The following A2M variants were observed in gnomAD, a reference collection of about 807,000 sequenced individuals.
A2M encodes the protein alpha-2-macroglobulin.
A neutral mutation model predicts 183.9 loss-of-function variants in A2M; 128 were observed. The ratio of observed to expected loss-of-function variants is 0.70; its 90% CI spans 0.60 to 0.81. The LOEUF is 0.81. Ranked by LOEUF, A2M falls within the 30% of genes least tolerant of loss-of-function variation. The pLI, the probability that A2M is intolerant of heterozygous loss-of-function variation, is 0.00. For synonymous variants in A2M, 592 were observed against 670.8 expected (o/e 0.88, Z 1.81); for missense variants, 1,495 against 1,787.6 (o/e 0.84, Z 2.95).
chr12:9,080,407 G>A (rs1310482522), intron 22 of A2M: 4 of 314,290 alleles, frequency 1.3e-5, no homozygotes, highest in East Asian at 5.4e-5. Flanking sequence ...ATGTAGAATC[G>A]CATGCCAAAT....
At position 9,104,397 on chromosome 12, in the gene A2M, G is replaced by A. The variant is rs371980049; in HGVS notation, c.1108C>T (p.Arg370Cys). 36 of 1,582,090 alleles carry A rather than the reference G, an allele frequency of 2.3e-5. 1 individual carries two copies. In the South Asian group the frequency reaches 2.8e-4, roughly 12 times the overall value. ...RQGIPFFGQV[R>C]LVDGKGVPIP... Reference sequence around the variant, plus strand: ...GGGACGCCTTTCCCATCTACTAGGCGCACCTGAAGATTAAAAGCTGTGGAT... The same window carrying A: ...GGGACGCCTTTCCCATCTACTAGGCACACCTGAAGATTAAAAGCTGTGGAT... The change falls in exon 11 of 36, where the codon CGC becomes TGC. Residue 370 changes from arginine to cysteine, a missense_variant. Physicochemically the swap from Arg to Cys is radical, Grantham distance 180. Coordinates refer to ENST00000318602, the MANE Select transcript of A2M (RefSeq NM_000014.6).
chr12:9,109,185 C>T, intron 7 of A2M, 136 bp downstream of exon 7: 1 of 631,674 alleles, frequency 1.6e-6, no homozygotes, highest in Non-Finnish European at 2.8e-6. Context: ...GAATAACATT[C>T]TACAGATGAG....
At chr12:9,112,670 G>T in intron 2 of A2M, 134 bp from the exon 3 acceptor site, 1 of 901,678 alleles carries the variant, frequency 1.1e-6, no homozygotes. Flanking sequence ...AGGGAAAGTT[G>T]GCATGGACAG....
At chr12:9,098,897 G>A (rs2137863426) in intron 14 of A2M, 141 bp from the exon 15 acceptor site, 1 of 824,594 alleles carries the variant, frequency 1.2e-6, no homozygotes, top group Non-Finnish European at 1.8e-6. Flanking sequence ...TGTCAATCCT[G>A]AAGCTTTTTG....
chr12:9,093,752 T>C (rs1196062172), intron 17 of A2M, among the ~76,000 whole-genome samples, 173 bp from the exon 18 acceptor site: 4 of 151,500 alleles, frequency 2.6e-5, no homozygotes, highest in Non-Finnish European at 4.4e-5. Context: ...GGAGGAAATA[T>C]GTTGGTTGAC....
Position 9,079,629 on chromosome 12 carries a change from A to C in A2M, c.3031+10T>G. On this transcript the variant is annotated intron_variant, in intron 24 of 35. Coordinates refer to ENST00000318602, the MANE Select transcript of A2M (RefSeq NM_000014.6). ...CATTCAAGTTTTCCCTTACTCAAGT[A>C]ATCACTCACCAGTGTTGAGATAGCC... The C allele has an allele frequency of 6.2e-7, 1 of 1,607,820 alleles. No homozygotes were observed. The highest frequency in any genetic ancestry group is 8.5e-7 in the Non-Finnish European group (1 of 1,177,360).
Position 9,115,756 on chromosome 12 carries a change from G to A in A2M, c.86+8C>T. On this transcript the variant is annotated splice_region_variant and intron_variant, in intron 1 of 35. Coordinates refer to ENST00000318602, the MANE Select transcript of A2M (RefSeq NM_000014.6). ...GTTCATGCTTCACGCTCTCTGTGTG[G>A]AACTCACGGTTTTCCAGAGACTGAG... 1 of 1,607,174 alleles carries A rather than the reference G, an allele frequency of 6.2e-7. No homozygotes were observed. The highest frequency in any genetic ancestry group is 1.1e-5 in the South Asian group (1 of 90,940).
At position 9,088,288 on chromosome 12, in the gene A2M, A is replaced by C. The variant is rs1402905448; in HGVS notation, c.2770+912T>G. On this transcript the variant is annotated intron_variant, in intron 22 of 35. Transcript: ENST00000318602. ...TTTTAAAGAAGAATATATTTTTGTA[A>C]AATTAGGTAGGCACATTTGATTATG... Among the ~76,000 whole-genome samples, 7 of 152,000 alleles carry C rather than the reference A, an allele frequency of 4.6e-5. No individual in the cohort carries two copies. In the East Asian group the frequency reaches 1.3e-3, roughly 29 times the overall value.
chr12:9,086,773 G>T (rs1424819576), intron 22 of A2M, among the ~76,000 whole-genome samples: 1 of 152,124 alleles, frequency 6.6e-6, no homozygotes, highest in East Asian at 1.9e-4. Flanking sequence ...AAGTAGCACT[G>T]GAAGTAGCAG....
rs370399720 is a variant in A2M at position 9,080,525 on chromosome 12, A to G, written c.2771-348T>C. 1.0e-4 allele frequency: 17 copies of G among 163,108 alleles called. No individual in the cohort carries two copies. The East Asian group carries it at 1.9e-3, about 18-fold the overall frequency. 10.1% of individuals were successfully genotyped at this position (163,108 alleles called of 1,614,324 possible). Reference sequence around the variant, plus strand: ...ATGATCTATTTAGTTCCCACCACCAACTTCCTTACTCAACAGTTGTATGGA... The same window carrying G: ...ATGATCTATTTAGTTCCCACCACCAGCTTCCTTACTCAACAGTTGTATGGA... On this transcript the variant is annotated intron_variant, in intron 22 of 35. Transcript: ENST00000318602.
chr12:9,107,745 G>A (rs1938408034), intron 7 of A2M, 101 bp from the exon 8 acceptor site: 2 of 1,380,056 alleles, frequency 1.4e-6, no homozygotes, highest in Non-Finnish European at 2.0e-6. Context: ...TTCCCTGTCT[G>A]TACTTCCCTC....
chr12:9,110,429 G>A, intron 4 of A2M, 95 bp from the exon 5 acceptor site: 2 of 673,024 alleles, frequency 3.0e-6, no homozygotes, highest in Non-Finnish European at 4.8e-6. Context: ...TAGCATAACA[G>A]GGTGAGTATA....
At chr12:9,113,664 T>C in intron 1 of A2M, 121 bp from the exon 2 acceptor site, 1 of 1,029,972 alleles carries the variant, frequency 9.7e-7, no homozygotes, top group East Asian at 2.4e-5. Flanking sequence ...GATGTACTGA[T>C]GAGCATGAAA....
At position 9,077,842 on chromosome 12, in the gene A2M, A is replaced by G. The variant is rs1349186407; in HGVS notation, c.3135T>C (p.Val1045=). ...CTCGAGCTTGGGCAAAAGTCTTCAGAACAAAGGCTGTGAGCCTGACCAGGG... is the reference window on the plus strand; with the variant it reads ...CTCGAGCTTGGGCAAAAGTCTTCAGGACAAAGGCTGTGAGCCTGACCAGGG... ...NQGNTWLTAF[V]LKTFAQARAY... The change falls in exon 26 of 36, where the codon GTT becomes GTC. Residue 1045 remains valine, a synonymous_variant. Coordinates refer to ENST00000318602, the MANE Select transcript of A2M (RefSeq NM_000014.6). 2.5e-6 allele frequency: 4 copies of G among 1,614,034 alleles called. No individual in the cohort carries two copies. The highest frequency in any genetic ancestry group is 1.6e-4 in the Middle Eastern group (1 of 6,084).
chr12:9,109,801 A>G (rs1303342152), intron 6 of A2M, 66 bp downstream of exon 6: 1 of 1,465,302 alleles, frequency 6.8e-7, no homozygotes, highest in African/African-American at 1.4e-5. Flanking sequence ...AATGAACTTA[A>G]ATTCCAGGAC....
At chr12:9,100,498 C>T (rs1937749199) in intron 13 of A2M, among the ~76,000 whole-genome samples, 1 of 151,958 alleles carries the variant, frequency 6.6e-6, no homozygotes, top group African/African-American at 2.4e-5. Flanking sequence ...AGGCTGGTCT[C>T]AAACTCCTGA....
Position 9,109,367 on chromosome 12 carries a change from T to C in A2M, c.712A>G (p.Ile238Val), listed in dbSNP as rs2137950680. The C allele has an allele frequency of 6.2e-7, 1 of 1,613,588 alleles. No homozygotes were observed. The highest frequency in any genetic ancestry group is 1.3e-5 in the African/African-American group (1 of 75,054). ...KFEVQVTVPKIITILEEEMNV... is the reference protein window; with the variant it reads ...KFEVQVTVPKVITILEEEMNV... ...ATCTCTTCTTCCAAGATGGTGATTATCTTTGGCACTGTTACTTGTACTTCA... is the reference window on the plus strand; with the variant it reads ...ATCTCTTCTTCCAAGATGGTGATTACCTTTGGCACTGTTACTTGTACTTCA... The change falls in exon 7 of 36, where the codon ATA becomes GTA. Residue 238 changes from isoleucine (I) to valine (V), a missense_variant. Physicochemically the swap from Ile to Val is conservative, Grantham distance 29 (BLOSUM62 3). Transcript: ENST00000318602.
chr12:9,077,882 A>G, intron 25 of A2M, 25 bp from the exon 26 acceptor site: 1 of 1,613,924 alleles, frequency 6.2e-7, no homozygotes, highest in Non-Finnish European at 8.5e-7. Context: ...AGCAATCATG[A>G]TGTTTATGTT....
chr12:9,107,645 C>T lies in A2M; in HGVS notation c.759-1G>A, dbSNP rs201448317. 2.5e-6 allele frequency: 4 copies of T among 1,613,812 alleles called. No individual in the cohort carries two copies. The highest frequency in any genetic ancestry group is 3.3e-5 in the Admixed American group (2 of 60,028). On this transcript the variant is annotated splice_acceptor_variant, in intron 7 of 35. Transcript: ENST00000318602. LOFTEE classifies it high-confidence loss of function. ...AGGGACAGGCTTCCCATATGTGTATCTGTCATGAGAACATTCCCAAAGGAA... is the reference window on the plus strand; with the variant it reads ...AGGGACAGGCTTCCCATATGTGTATTTGTCATGAGAACATTCCCAAAGGAA...
Sources: gnomAD v4.1 joint callset for allele counts (sites outside exome capture counted in the v4.1 genomes callset) on GRCh38, gnomAD v4.1.1 for gene constraint, MANE v1.5 for transcripts, NCBI Gene and HGNC (gene_info 2026-07-23, HGNC 2026-07-21) for gene names.